The following SPTB variants were observed in gnomAD, a reference collection of about 807,000 sequenced individuals.
The protein encoded by SPTB is spectrin beta, erythrocytic.
In SPTB, 45 loss-of-function variants were observed where a neutral mutation model predicts 256.2. That is an observed-to-expected ratio of 0.18 (90% CI 0.14 to 0.23). The LOEUF (loss-of-function observed/expected upper bound fraction) is 0.23, where lower values mean the gene tolerates loss of function less well. Among genes scored for constraint, SPTB ranks in the 10% least tolerant of loss-of-function variants. The probability of loss-of-function intolerance (pLI) is 1.00; values close to 1 mark genes in which losing one functional copy is unlikely to be tolerated. For synonymous variants in SPTB, 1,231 were observed against 1,243.1 expected (o/e 0.99, Z 0.21); for missense variants, 2,715 against 3,040.4 (o/e 0.89, Z 2.52).
intron 1 of SPTB, among the ~76,000 whole-genome samples, chr14:64,831,400 C>T (rs1246486627): frequency 6.6e-6 from 1 of 152,198 alleles, no homozygotes; most frequent in African/African-American, 2.4e-5. Flanking sequence ...TTGCCAAGGA[C>T]ATGAACGGGT....
intron 2 of SPTB, among the ~76,000 whole-genome samples, chr14:64,811,536 G>A (rs1321876653): frequency 6.6e-6 from 1 of 152,154 alleles, no homozygotes; most frequent in South Asian, 2.1e-4. Flanking sequence ...TCATGGTTAG[G>A]TGGAAAATGT....
At chr14:64,784,429 T>C in intron 18 of SPTB, 36 bp from the exon 19 acceptor site, 3 of 1,612,808 alleles carry the variant, frequency 1.9e-6, no homozygotes, top group African/African-American at 1.3e-5. Flanking sequence ...TATCCCTGAG[T>C]ATATTTCTTT....
intron 19 of SPTB, 30 bp downstream of exon 19, chr14:64,784,217 A>AC (rs1594771971): frequency 6.2e-7 from 1 of 1,613,642 alleles, no homozygotes; most frequent in Admixed American, 1.7e-5. Flanking sequence ...TGAGCAGAGC[A>AC]CCCACCCGCC....
At position 64,825,748 on chromosome 14, in the gene SPTB, A is replaced by G. The variant is rs2083369834; in HGVS notation, c.-51-2603T>C. On this transcript the variant is annotated intron_variant, in intron 1 of 35. Transcript: ENST00000644917. This position sits in a 1 kb window ranked among gnomAD's most constrained non-coding sequence, Gnocchi z 4.8. Reference sequence around the variant, plus strand: ...GATTACCTTTGCCATGGCTCCGTAAATAAGTCTGCCCCAGAAAGATGAGCC... The same window carrying G: ...GATTACCTTTGCCATGGCTCCGTAAGTAAGTCTGCCCCAGAAAGATGAGCC... Among the ~76,000 whole-genome samples, 3 of 152,242 alleles carry G rather than the reference A, an allele frequency of 2.0e-5. No individual in the cohort carries two copies. Among genetic ancestry groups the G allele is most frequent in the Admixed American group, 2.0e-4 (3 of 15,286 alleles).
rs1178859389 is a variant in SPTB, at chr14:64,746,430, C to G, written c.*2876G>C. On this transcript the variant is annotated 3_prime_UTR_variant, in exon 36 of 36. Transcript: ENST00000644917. This position sits in a 1 kb window ranked among gnomAD's most constrained non-coding sequence, Gnocchi z 4.9. ...CTGTGCCCAACAGGGTTGCATTCCT[C>G]TGCAGCCGCCGCCTCCTCATTTCCT... is the stretch of plus-strand genomic sequence containing the variant. The G allele has an allele frequency of 6.5e-6, 1 of 152,748 alleles. No individual in the cohort carries two copies. Among genetic ancestry groups the G allele is most frequent in the Non-Finnish European group, 1.5e-5 (1 of 68,126 alleles). The allele number at this position is 152,748 out of a possible 1,614,324, so 9.5% of individuals were successfully genotyped here. A position where few individuals can be genotyped will look rare whatever the true frequency, so the allele number is the denominator to read the frequency against.
Position 64,841,158 on chromosome 14 carries a change from T to A in SPTB, c.-51-18013A>T, listed in dbSNP as rs1310208434. ...ATTGACTCCTCAGAACAACGCTGAG[T>A]ACAAGCCACTCTCCTTATCCCCATT... On this transcript the variant is annotated intron_variant, in intron 1 of 35. Coordinates refer to ENST00000644917, the MANE Select transcript of SPTB (RefSeq NM_001355436.2). The surrounding 1 kb of genome is among the most constrained non-coding windows in gnomAD (Gnocchi z 4.6). 1.3e-5 allele frequency among the ~76,000 whole-genome samples: 2 copies of A among 152,120 alleles called. No homozygotes were observed. Among genetic ancestry groups the A allele is most frequent in the Non-Finnish European group, 2.9e-5 (2 of 68,022 alleles).
intron 33 of SPTB, 53 bp from the exon 34 acceptor site, chr14:64,750,207 A>C: frequency 6.4e-7 from 1 of 1,574,112 alleles, no homozygotes; most frequent in East Asian, 2.3e-5. Context: ...GTATCTCTAG[A>C]GTCAATTCCT....
chr14:64,766,931 C>A, intron 31 of SPTB, 130 bp from the exon 32 acceptor site: 1 of 1,201,966 alleles, frequency 8.3e-7, no homozygotes, highest in Non-Finnish European at 1.2e-6. Context: ...CAGCCGGCAG[C>A]CTGGATGGTG....
chr14:64,831,576 G>A (rs902052139), intron 1 of SPTB, among the ~76,000 whole-genome samples: 1 of 152,260 alleles, frequency 6.6e-6, no homozygotes, highest in Non-Finnish European at 1.5e-5. Context: ...GCTGCCCTGT[G>A]CACTACTGGT....
chr14:64,795,059 T>C lies in SPTB; in HGVS notation c.1644+278A>G, dbSNP rs764683708. 6.6e-6 allele frequency among the ~76,000 whole-genome samples: 1 copy of C among 152,210 alleles called. No homozygotes were observed. The highest frequency in any genetic ancestry group is 1.5e-5 in the Non-Finnish European group (1 of 68,042). ...CAGGTTCCTGATTAATGTCTGTCTC[T>C]TCAAGGCCCTGAAGGTTGGCACCGG... On this transcript the variant is annotated intron_variant, in intron 12 of 35. Coordinates refer to ENST00000644917, the MANE Select transcript of SPTB (RefSeq NM_001355436.2). This position sits in a 1 kb window ranked among gnomAD's most constrained non-coding sequence, Gnocchi z 6.5.
chr14:64,803,455 C>T, intron 4 of SPTB, 152 bp downstream of exon 4: 1 of 934,166 alleles, frequency 1.1e-6, no homozygotes. Flanking sequence ...AAGATGGTTA[C>T]TCCTTCCTAC....
At chr14:64,832,911 G>T (rs2083469449) in intron 1 of SPTB, among the ~76,000 whole-genome samples, 1 of 152,098 alleles carries the variant, frequency 6.6e-6, no homozygotes, top group African/African-American at 2.4e-5. Flanking sequence ...TACTAAACTA[G>T]CCCATTTTCT....
rs2082772750 is a variant in SPTB, at chr14:64,796,555, AC to A, written c.1341+1del. The A allele has an allele frequency of 6.2e-7, 1 of 1,614,040 alleles. No individual in the cohort carries two copies. The highest frequency in any genetic ancestry group is 8.5e-7 in the Non-Finnish European group (1 of 1,180,036). On this transcript the variant is annotated splice_donor_variant, in intron 11 of 35. Transcript: ENST00000644917. LOFTEE classifies it high-confidence loss of function. The surrounding 1 kb of genome is among the most constrained non-coding windows in gnomAD (Gnocchi z 4.1). ...TGTCACCCAAAGCATGTCCCTCATT[AC>A]CTGGGCCACGAGGCGCTGGTTTTCA... is the stretch of plus-strand genomic sequence containing the variant.
intron 20 of SPTB, 21 bp downstream of exon 20, chr14:64,782,269 G>A (rs2082484615): frequency 1.2e-6 from 2 of 1,613,980 alleles, no homozygotes; most frequent in Admixed American, 3.3e-5. Context: ...AACACTCTGA[G>A]TCTACAACCC....
chr14:64,798,362 A>G (rs1402614251), intron 9 of SPTB, among the ~76,000 whole-genome samples: 2 of 152,170 alleles, frequency 1.3e-5, no homozygotes, highest in Non-Finnish European at 2.9e-5. Context: ...GACAAGTCCT[A>G]CAGGCCAGAT....
At chr14:64,788,691 A>G (rs1331424088) in intron 15 of SPTB, among the ~76,000 whole-genome samples, 1 of 152,180 alleles carries the variant, frequency 6.6e-6, no homozygotes, top group East Asian at 1.9e-4. Context: ...GAGTGGCCTC[A>G]CTGTAGCCAT....
At position 64,786,222 on chromosome 14, in the gene SPTB, G is replaced by A. The variant is rs1290494973; in HGVS notation, c.3561+182C>T. On this transcript the variant is annotated intron_variant, in intron 16 of 35. Transcript: ENST00000644917. This position sits in a 1 kb window ranked among gnomAD's most constrained non-coding sequence, Gnocchi z 5.6. ...CCTCTGATAGACCCAAGAACAAGGC[G>A]TAGTTTGGGACACAAGGCTGGAAAA... Among the ~76,000 whole-genome samples, 2 of 152,158 alleles carry A rather than the reference G, an allele frequency of 1.3e-5. No individual in the cohort carries two copies. Among genetic ancestry groups the A allele is most frequent in the African/African-American group, 4.8e-5 (2 of 41,436 alleles).
chr14:64,862,079 C>G (rs995855202), intron 1 of SPTB, among the ~76,000 whole-genome samples: 41 of 152,348 alleles, frequency 2.7e-4, no homozygotes, highest in African/African-American at 8.9e-4. Flanking sequence ...AGCCCAGCCC[C>G]TCCTGGGCTC....
intron 2 of SPTB, among the ~76,000 whole-genome samples, chr14:64,820,185 G>A (rs573328419): frequency 1.1e-3 from 174 of 152,286 alleles, no homozygotes; most frequent in African/African-American, 3.9e-3. Context: ...GTGAGTGGGA[G>A]AGTGGCTGAG....
Sources: gnomAD v4.1 joint callset for allele counts (sites outside exome capture counted in the v4.1 genomes callset) on GRCh38, gnomAD v4.1.1 for gene constraint, Gnocchi (gnomAD v3.1) non-coding constraint, MANE v1.5 for transcripts, NCBI Gene and HGNC (gene_info 2026-07-23, HGNC 2026-07-21) for gene names.